The following RAB3C variants were observed in gnomAD, a reference collection of about 807,000 sequenced individuals.
The protein encoded by RAB3C is ras-related protein Rab-3C.
Under a neutral mutation model 26.4 loss-of-function variants are expected in RAB3C, and 17 were observed. The ratio of observed to expected loss-of-function variants is 0.64; its 90% CI spans 0.44 to 0.97. RAB3C has a LOEUF of 0.97. Among genes scored for constraint, RAB3C ranks in the 50% least tolerant of loss-of-function variants. The pLI, the probability that RAB3C is intolerant of heterozygous loss-of-function variation, is 0.00. For missense variants in RAB3C, 242 were observed against 281.9 expected, an observed-to-expected ratio of 0.86 and a Z score of 1.01; for synonymous variants, 91 against 95.9, an observed-to-expected ratio of 0.95 and a Z score of 0.30.
Position 58,619,245 on chromosome 5 carries a change from C to T in RAB3C, c.252+1375C>T, listed in dbSNP as rs532438506. On this transcript the variant is annotated intron_variant, in intron 2 of 4. Coordinates refer to ENST00000282878, the MANE Select transcript of RAB3C (RefSeq NM_138453.4). ...AAGTAGACCTTAGGCTGGGCATATT[C>T]CCTGCTCCATCATTCCCCAAAGCCA... Among the ~76,000 whole-genome samples, 90 of 152,208 alleles carry T rather than the reference C, an allele frequency of 5.9e-4. 1 individual carries two copies. Among genetic ancestry groups the T allele is most frequent in the South Asian group, 1.5e-3 (7 of 4,812 alleles).
chr5:58,752,098 C>T (rs1741544082), intron 3 of RAB3C, among the ~76,000 whole-genome samples: 1 of 152,112 alleles, frequency 6.6e-6, no homozygotes, highest in Non-Finnish European at 1.5e-5. Flanking sequence ...TACTATGGCA[C>T]ATAAGCTAAA....
chr5:58,646,234 A>G (rs559243163), intron 2 of RAB3C, among the ~76,000 whole-genome samples: 5 of 152,238 alleles, frequency 3.3e-5, no homozygotes, highest in African/African-American at 1.2e-4. Flanking sequence ...CACTGCACCT[A>G]GCATAGTGTG....
chr5:58,586,654 G>A (rs982187258), intron 1 of RAB3C, among the ~76,000 whole-genome samples: 18 of 151,958 alleles, frequency 1.2e-4, no homozygotes, highest in Non-Finnish European at 5.9e-5. Context: ...AGCTTTTGGG[G>A]TCACTTCATA....
chr5:58,695,355 G>A (rs1002896922), intron 2 of RAB3C, among the ~76,000 whole-genome samples: 8 of 152,076 alleles, frequency 5.3e-5, no homozygotes, highest in East Asian at 3.9e-4. Flanking sequence ...GTCAGGTAGC[G>A]TGATGCCTCC....
chr5:58,710,567 C>T (rs1749035192), intron 2 of RAB3C, among the ~76,000 whole-genome samples: 1 of 151,326 alleles, frequency 6.6e-6, no homozygotes, highest in Non-Finnish European at 1.5e-5. Context: ...CCACTGCACT[C>T]TAGCCTGGGC....
intron 1 of RAB3C, among the ~76,000 whole-genome samples, chr5:58,610,987 G>A (rs770848390): frequency 2.6e-5 from 4 of 151,662 alleles, no homozygotes; most frequent in South Asian, 2.1e-4. Flanking sequence ...GCTACCACTC[G>A]TAAGTGAGAA....
At chr5:58,582,805 G>C (rs1471682966), upstream of RAB3C, among the ~76,000 whole-genome samples, 1 of 152,208 alleles carries the variant, frequency 6.6e-6, no homozygotes, top group Non-Finnish European at 1.5e-5. Context: ...GCTGAGATAA[G>C]CTGGGGTCAC....
intron 3 of RAB3C, among the ~76,000 whole-genome samples, chr5:58,787,940 CTT>C (rs1270945854): frequency 6.6e-6 from 1 of 152,174 alleles, no homozygotes; most frequent in Non-Finnish European, 1.5e-5. Context: ...GACATCAAGA[CTT>C]TTCTTTTTTT....
chr5:58,761,063 T>TCTCTCACA lies in RAB3C; in HGVS notation c.371+34944_371+34945insTCTCACAC, dbSNP rs370091627. ...CTCTCTCTCTCCCTCTCTCTCTCTC[T>TCTCTCACA]CACACACACACACACACACACACAC... On this transcript the variant is annotated intron_variant, in intron 3 of 4. Transcript: ENST00000282878. Among the ~76,000 whole-genome samples, 173 of 144,810 alleles carry TCTCTCACA rather than the reference T, an allele frequency of 1.2e-3. No homozygotes were observed. In the Middle Eastern group the frequency reaches 0.017, roughly 15 times the overall value.
chr5:58,724,566 A>G (rs1740842222), intron 2 of RAB3C, among the ~76,000 whole-genome samples: 1 of 151,830 alleles, frequency 6.6e-6, no homozygotes, highest in African/African-American at 2.4e-5. Flanking sequence ...CTTAAACTGC[A>G]ATAAAAAGCT....
chr5:58,662,643 T>C (rs1294197082), intron 2 of RAB3C, among the ~76,000 whole-genome samples: 1 of 150,212 alleles, frequency 6.7e-6, no homozygotes, highest in Non-Finnish European at 1.5e-5. Flanking sequence ...TCCATTGAGC[T>C]GGATGAATCT....
intron 1 of RAB3C, among the ~76,000 whole-genome samples, chr5:58,609,188 T>A (rs1214470471): frequency 6.6e-6 from 1 of 152,028 alleles, no homozygotes; most frequent in Non-Finnish European, 1.5e-5. Flanking sequence ...TAAAGTATAA[T>A]AAAGAAAAGA....
chr5:58,695,299 C>G (rs1344588575), intron 2 of RAB3C, among the ~76,000 whole-genome samples: 2 of 152,096 alleles, frequency 1.3e-5, no homozygotes, highest in Non-Finnish European at 2.9e-5. Flanking sequence ...GTTTTGGTAC[C>G]ATACCATGCT....
intron 2 of RAB3C, among the ~76,000 whole-genome samples, chr5:58,619,588 G>A (rs1166936525): frequency 1.3e-5 from 2 of 152,084 alleles, no homozygotes; most frequent in Non-Finnish European, 2.9e-5. Flanking sequence ...CTGGTTGATA[G>A]CTCCACTTTT....
intron 2 of RAB3C, among the ~76,000 whole-genome samples, chr5:58,697,022 C>T (rs1045200352): frequency 7.2e-5 from 11 of 152,168 alleles, no homozygotes; most frequent in Admixed American, 5.9e-4. Context: ...GTTAGGGTGT[C>T]GATTTTACAT....
chr5:58,676,278 G>A (rs375072464), intron 2 of RAB3C, among the ~76,000 whole-genome samples: 2 of 152,136 alleles, frequency 1.3e-5, no homozygotes, highest in Admixed American at 1.3e-4. Flanking sequence ...CCGAGGGAGT[G>A]GATCACTTGA....
At chr5:58,721,929 C>T (rs1293557518) in intron 2 of RAB3C, among the ~76,000 whole-genome samples, 1 of 151,052 alleles carries the variant, frequency 6.6e-6, no homozygotes, top group East Asian at 2.0e-4. Context: ...TATCTGAAAG[C>T]TTCTATTTTT....
At chr5:58,710,832 C>T (rs981302908) in intron 2 of RAB3C, among the ~76,000 whole-genome samples, 1 of 152,096 alleles carries the variant, frequency 6.6e-6, no homozygotes, top group Non-Finnish European at 1.5e-5. Context: ...TTCTAGTTCT[C>T]TAGCATCTGA....
chr5:58,692,652 C>T (rs540463417), intron 2 of RAB3C, among the ~76,000 whole-genome samples: 1 of 152,168 alleles, frequency 6.6e-6, no homozygotes, highest in African/African-American at 2.4e-5. Context: ...CAGATAGTTC[C>T]CTATCCATGC....
Sources: allele counts gnomAD v4.1 joint callset (sites outside exome capture counted in the v4.1 genomes callset), GRCh38; gene constraint gnomAD v4.1.1; transcripts MANE v1.5; gene names NCBI Gene and HGNC (gene_info 2026-07-23, HGNC 2026-07-21).